The following CACHD1 variants were observed in gnomAD, a reference collection of about 807,000 sequenced individuals.
The protein encoded by CACHD1 is VWFA and cache domain-containing protein 1.
A neutral mutation model predicts 138.7 loss-of-function variants in CACHD1; 71 were observed. That is an observed-to-expected ratio of 0.51 (90% CI 0.42 to 0.62). The LOEUF is 0.62. Ranked by LOEUF, CACHD1 falls within the 20% of genes least tolerant of loss-of-function variation. CACHD1 has a pLI of 0.00. For synonymous variants in CACHD1, 578 were observed against 591.5 expected, an observed-to-expected ratio of 0.98 and a Z score of 0.33; for missense variants, 1,389 against 1,625.3, an observed-to-expected ratio of 0.85 and a Z score of 2.50.
intron 3 of CACHD1, among the ~76,000 whole-genome samples, chr1:64,599,216 G>T (rs1306052240): frequency 1.3e-5 from 2 of 151,990 alleles, no homozygotes; most frequent in Non-Finnish European, 2.9e-5. Flanking sequence ...AGTCCAAATG[G>T]ACGAAGACAA....
intron 1 of CACHD1, among the ~76,000 whole-genome samples, chr1:64,523,382 T>A (rs1646512542): frequency 1.3e-5 from 2 of 152,198 alleles, no homozygotes; most frequent in Non-Finnish European, 2.9e-5. Context: ...TTCTAGGGGG[T>A]TGTTTTTAAT....
intron 13 of CACHD1, among the ~76,000 whole-genome samples, chr1:64,662,800 C>T (rs917999185): frequency 2.0e-5 from 3 of 152,194 alleles, no homozygotes; most frequent in African/African-American, 7.2e-5. Context: ...AACATGTATA[C>T]ATTAATTACT....
chr1:64,491,533 C>G (rs1646274775), intron 1 of CACHD1, among the ~76,000 whole-genome samples: 1 of 152,116 alleles, frequency 6.6e-6, no homozygotes, highest in Non-Finnish European at 1.5e-5. Flanking sequence ...AACTCAAGAA[C>G]TCACTATCAC....
chr1:64,685,118 C>G (rs2100745513), intron 26 of CACHD1, among the ~76,000 whole-genome samples: 1 of 152,192 alleles, frequency 6.6e-6, no homozygotes, highest in East Asian at 1.9e-4. Flanking sequence ...CACAGGTGTA[C>G]CATTTTAAAA....
intron 13 of CACHD1, 36 bp from the exon 14 acceptor site, chr1:64,663,659 G>T (rs201964375): frequency 1.2e-6 from 2 of 1,612,806 alleles, no homozygotes; most frequent in Non-Finnish European, 1.7e-6. Flanking sequence ...TAGAGTCTCC[G>T]CATTCTCAGG....
At chr1:64,685,432 G>A (rs565803637) in intron 26 of CACHD1, among the ~76,000 whole-genome samples, 3 of 152,288 alleles carry the variant, frequency 2.0e-5, no homozygotes, top group Admixed American at 6.5e-5. Flanking sequence ...CTGTACCCTT[G>A]TACACTGTGG....
At position 64,641,963 on chromosome 1, in the gene CACHD1, A is replaced by C. The variant is rs756562950; in HGVS notation, c.1150A>C (p.Met384Leu). Residue 384 changes from methionine (M) to leucine (L), a missense_variant, in exon 8 of 27, where the codon ATG (methionine) becomes CTG (leucine). Coordinates refer to ENST00000651257, the MANE Select transcript of CACHD1 (RefSeq NM_020925.4). ...NSVMILTYAL[M>L]NDGVTGLKEL... ...TGTAATGATTCTCACCTATGCCCTC[A>C]TGAACGGTAGGTAGAGTTTCAAGAT... is the stretch of plus-strand genomic sequence containing the variant. 1.3e-6 allele frequency: 2 copies of C among 1,569,576 alleles called. No homozygotes were observed. Among genetic ancestry groups the C allele is most frequent in the Non-Finnish European group, 8.6e-7 (1 of 1,164,106 alleles).
chr1:64,584,698 A>C (rs1647037364), intron 3 of CACHD1, among the ~76,000 whole-genome samples: 1 of 152,152 alleles, frequency 6.6e-6, no homozygotes, highest in Admixed American at 6.5e-5. Flanking sequence ...CTGGGCAGGA[A>C]TTACACCTCA....
chr1:64,638,383 T>A (rs1304445305), intron 7 of CACHD1, among the ~76,000 whole-genome samples: 2 of 152,232 alleles, frequency 1.3e-5, no homozygotes, highest in African/African-American at 2.4e-5. Flanking sequence ...ATGCCCACAT[T>A]GGTAGCCATA....
chr1:64,500,647 G>A (rs1646332625), intron 1 of CACHD1, among the ~76,000 whole-genome samples: 1 of 149,696 alleles, frequency 6.7e-6, no homozygotes, highest in African/African-American at 2.5e-5. Flanking sequence ...AAAGCCAAGA[G>A]TTTGAGACCA....
intron 2 of CACHD1, among the ~76,000 whole-genome samples, chr1:64,567,234 T>C (rs756890603): frequency 2.5e-4 from 38 of 152,078 alleles, no homozygotes; most frequent in Non-Finnish European, 4.3e-4. Context: ...CCCAAGGACG[T>C]TGTTAAATTG....
intron 3 of CACHD1, among the ~76,000 whole-genome samples, chr1:64,601,421 CA>C (rs1647213105): frequency 6.6e-6 from 1 of 152,182 alleles, no homozygotes; most frequent in African/African-American, 2.4e-5. Flanking sequence ...CAAACTGGAG[CA>C]GGTCCAAGGA....
At chr1:64,600,230 C>T (rs954956261) in intron 3 of CACHD1, among the ~76,000 whole-genome samples, 2 of 152,282 alleles carry the variant, frequency 1.3e-5, no homozygotes, top group African/African-American at 2.4e-5. Flanking sequence ...TTGAGACCTA[C>T]AGGGAAGTAC....
chr1:64,569,578 C>A (rs1045490859), intron 2 of CACHD1, among the ~76,000 whole-genome samples: 1 of 152,082 alleles, frequency 6.6e-6, no homozygotes, highest in Non-Finnish European at 1.5e-5. Flanking sequence ...GGGGGCCTTG[C>A]GGCAGGGCAG....
chr1:64,685,964 G>A (rs1650358069), intron 26 of CACHD1, among the ~76,000 whole-genome samples: 1 of 152,116 alleles, frequency 6.6e-6, no homozygotes, highest in African/African-American at 2.4e-5. Context: ...ACCCTGCCCT[G>A]AAGAAATTTA....
intron 4 of CACHD1, among the ~76,000 whole-genome samples, chr1:64,607,819 T>C (rs549645274): frequency 5.3e-4 from 81 of 152,216 alleles, no homozygotes; most frequent in Non-Finnish European, 9.9e-4. Context: ...TTTCAGAGAA[T>C]TAGAAAGCAA....
rs544761025 is a variant in CACHD1, at chr1:64,577,875, T to C, written c.262-4281T>C. The stretch of plus-strand genomic sequence containing the variant: ...GTATTCTTGGTACTTTCTGTCTCTA[T>C]TGATGAAGAATGCAGCTGAAGGCCC... On this transcript the variant is annotated intron_variant, in intron 2 of 26. Coordinates refer to ENST00000651257, the MANE Select transcript of CACHD1 (RefSeq NM_020925.4). 8.5e-4 allele frequency among the ~76,000 whole-genome samples: 130 copies of C among 152,216 alleles called. 1 individual carries two copies. The highest frequency in any genetic ancestry group is 5.3e-4 in the Non-Finnish European group (36 of 68,014).
At chr1:64,546,958 T>C (rs948801142) in intron 1 of CACHD1, among the ~76,000 whole-genome samples, 1 of 152,150 alleles carries the variant, frequency 6.6e-6, no homozygotes, top group African/African-American at 2.4e-5. Context: ...TACATGCAAG[T>C]ATTAGGATTC....
At chr1:64,477,624 A>G (rs994684394) in intron 1 of CACHD1, among the ~76,000 whole-genome samples, 40 of 104,228 alleles carry the variant, frequency 3.8e-4, no homozygotes, top group Admixed American at 2.1e-3. Flanking sequence ...TATTATTATT[A>G]TTTTATTTTA....
Sources: gnomAD v4.1 joint callset for allele counts (sites outside exome capture counted in the v4.1 genomes callset) on GRCh38, gnomAD v4.1.1 for gene constraint, MANE v1.5 for transcripts, NCBI Gene and HGNC (gene_info 2026-07-23, HGNC 2026-07-21) for gene names.